Variants in STK38L observed in about 807,000 individuals in gnomAD.
STK38L encodes the protein serine/threonine-protein kinase 38-like.
In STK38L, 28 loss-of-function variants were observed where a neutral mutation model predicts 59.7. The observed-to-expected ratio is 0.47, with a 90% CI of 0.35 to 0.64. The LOEUF (loss-of-function observed/expected upper bound fraction) is 0.64, where lower values mean the gene tolerates loss of function less well. Among genes scored for constraint, STK38L ranks in the 30% least tolerant of loss-of-function variants. The pLI is 0.01. For missense variants in STK38L, 314 were observed against 555.8 expected, an observed-to-expected ratio of 0.56 and a Z score of 4.37; for synonymous variants, 162 against 176.8, an observed-to-expected ratio of 0.92 and a Z score of 0.66.
At chr12:27,302,925 A>G (rs1204708300) in intron 3 of STK38L, among the ~76,000 whole-genome samples, 1 of 151,250 alleles carries the variant, frequency 6.6e-6, no homozygotes, top group East Asian at 1.9e-4. Context: ...AGGCAGGAGA[A>G]TGGTGTGAAC....
rs911312884 is a variant in STK38L at position 27,322,892 on chromosome 12, G to C, written c.*437G>C. 1 of 153,298 alleles carries C rather than the reference G, an allele frequency of 6.5e-6. No homozygotes were observed. The highest frequency in any genetic ancestry group is 1.5e-5 in the Non-Finnish European group (1 of 68,890). 9.5% of individuals were successfully genotyped at this position (153,298 alleles called of 1,614,324 possible). A position where few individuals can be genotyped will look rare whatever the true frequency, so the allele number is the denominator to read the frequency against. On this transcript the variant is annotated 3_prime_UTR_variant, in exon 14 of 14. Transcript: ENST00000389032. ...TTTTACTGCAAATCTTATGGGTCTA[G>C]ATAATCAGTAAAAGCCATCTTCCAT...
At chr12:27,248,395 T>C (rs1012089635) in intron 1 of STK38L, among the ~76,000 whole-genome samples, 1 of 152,336 alleles carries the variant, frequency 6.6e-6, no homozygotes, top group Non-Finnish European at 1.5e-5. Context: ...ATAGGCCTAC[T>C]CAGTACTGTA....
chr12:27,322,626 G>A lies in STK38L; in HGVS notation c.*171G>A. 1.3e-6 allele frequency: 1 copy of A among 764,780 alleles called. No homozygotes were observed. The highest frequency in any genetic ancestry group is 1.9e-6 in the Non-Finnish European group (1 of 534,190). The allele number at this position is 764,780 out of a possible 1,614,324, so 47.4% of individuals were successfully genotyped here. A position where few individuals can be genotyped will look rare whatever the true frequency, so the allele number is the denominator to read the frequency against. ...CTAAGACTACTATAGGAATTGGTTG[G>A]CAGTGCCAGCTGGCTCTTTTTTTTA... On this transcript the variant is annotated 3_prime_UTR_variant, in exon 14 of 14. Coordinates refer to ENST00000389032, the MANE Select transcript of STK38L (RefSeq NM_015000.4).
intron 1 of STK38L, among the ~76,000 whole-genome samples, chr12:27,272,922 G>A (rs777010999): frequency 2.0e-5 from 3 of 152,086 alleles, no homozygotes; most frequent in Non-Finnish European, 4.4e-5. Context: ...GCAGTTAAAT[G>A]TGGACTGTAA....
chr12:27,321,997 C>T (rs768827254), intron 12 of STK38L, 146 bp from the exon 13 acceptor site: 1 of 616,808 alleles, frequency 1.6e-6, no homozygotes, highest in Non-Finnish European at 2.7e-6. Flanking sequence ...ATTTTGAACT[C>T]CCTTTAACTA....
At chr12:27,318,977 C>T (rs1944657701) in intron 11 of STK38L, among the ~76,000 whole-genome samples, 3 of 151,900 alleles carry the variant, frequency 2.0e-5, no homozygotes, top group African/African-American at 7.3e-5. Flanking sequence ...TGTGACAGAG[C>T]GAGACTCCGT....
rs901244493 is a variant in STK38L at position 27,308,649 on chromosome 12, G to T, written c.309+188G>T. 2.6e-5 allele frequency among the ~76,000 whole-genome samples: 4 copies of T among 151,590 alleles called. No individual in the cohort carries two copies. The South Asian group carries it at 8.3e-4, about 31-fold the overall frequency. ...AGACCAGCCTGGCCAGTGAAACCCC[G>T]TCTCTATAAAAATACAAAAATTAGC... On this transcript the variant is annotated intron_variant, in intron 4 of 13. Coordinates refer to ENST00000389032, the MANE Select transcript of STK38L (RefSeq NM_015000.4). The surrounding 1 kb of genome is among the most constrained non-coding windows in gnomAD (Gnocchi z 4.5).
intron 1 of STK38L, among the ~76,000 whole-genome samples, chr12:27,270,447 A>T (rs1312588326): frequency 6.6e-6 from 1 of 152,028 alleles, no homozygotes; most frequent in Non-Finnish European, 1.5e-5. Context: ...GCGTGATCTC[A>T]GCTCACTGCA....
chr12:27,306,598 A>T (rs1018607905), intron 3 of STK38L, among the ~76,000 whole-genome samples: 1 of 152,122 alleles, frequency 6.6e-6, no homozygotes, highest in Non-Finnish European at 1.5e-5. Context: ...GTTTCAGGCC[A>T]CATTTGTTTT....
At chr12:27,301,464 G>T (rs1203398802) in intron 2 of STK38L, among the ~76,000 whole-genome samples, 1 of 152,174 alleles carries the variant, frequency 6.6e-6, no homozygotes, top group Non-Finnish European at 1.5e-5. Context: ...GTTTCACAGT[G>T]TTAGCCAAGA....
At chr12:27,266,774 C>A (rs1456576955) in intron 1 of STK38L, among the ~76,000 whole-genome samples, 1 of 152,266 alleles carries the variant, frequency 6.6e-6, no homozygotes, top group African/African-American at 2.4e-5. Context: ...AAATGTTTCC[C>A]AGATTGTGTT....
At chr12:27,298,471 CT>C (rs1333129180) in intron 2 of STK38L, 1 of 152,010 alleles carries the variant, frequency 6.6e-6, no homozygotes, top group Non-Finnish European at 1.5e-5. Flanking sequence ...GAATGACTGA[CT>C]TTAATCCAAA....
At chr12:27,250,025 C>G (rs572601245) in intron 1 of STK38L, among the ~76,000 whole-genome samples, 2 of 152,240 alleles carry the variant, frequency 1.3e-5, no homozygotes, top group East Asian at 1.9e-4. Flanking sequence ...GAATAAAGAA[C>G]AAGATGGCAG....
intron 5 of STK38L, among the ~76,000 whole-genome samples, chr12:27,310,902 C>A (rs1944439145): frequency 1.3e-5 from 2 of 152,114 alleles, no homozygotes; most frequent in South Asian, 4.1e-4. Flanking sequence ...GCATTTGTTA[C>A]CACTGGATTT....
Position 27,297,801 on chromosome 12 carries a change from A to G in STK38L, c.81A>G (p.Thr27=). 2 of 1,614,086 alleles carry G rather than the reference A, an allele frequency of 1.2e-6. No individual in the cohort carries two copies. Among genetic ancestry groups the G allele is most frequent in the South Asian group, 1.1e-5 (1 of 91,086 alleles). ...AAAGAGTGACTGTAGCCAAGCTCAC[A>G]TTGGAGAATTTTTATAGCAACCTAA... ...TRERVTVAKL[T]LENFYSNLIL... The change falls in exon 2 of 14, where the codon ACA becomes ACG. Residue 27 remains threonine, a synonymous_variant. Transcript: ENST00000389032.
chr12:27,319,457 A>G (rs1274245562), intron 12 of STK38L, 34 bp downstream of exon 12: 3 of 1,485,432 alleles, frequency 2.0e-6, no homozygotes, highest in Non-Finnish European at 2.8e-6. Flanking sequence ...GAAAGGTCTG[A>G]GTAAAAACAA....
chr12:27,244,726 G>A (rs932183363), intron 1 of STK38L, among the ~76,000 whole-genome samples: 4 of 152,318 alleles, frequency 2.6e-5, no homozygotes, highest in East Asian at 3.9e-4. Context: ...GTCACCCAGA[G>A]CCAGGATCCG....
At chr12:27,273,200 G>A (rs1943461482) in intron 1 of STK38L, among the ~76,000 whole-genome samples, 1 of 151,936 alleles carries the variant, frequency 6.6e-6, no homozygotes, top group African/African-American at 2.4e-5. Context: ...ATCCCTGTAA[G>A]TGGCTATGAT....
At chr12:27,277,227 C>T (rs531702175) in intron 1 of STK38L, among the ~76,000 whole-genome samples, 23 of 148,126 alleles carry the variant, frequency 1.6e-4, no homozygotes, top group Non-Finnish European at 2.4e-4. Context: ...ATTTAAAGTA[C>T]GAGTAATTAC....
Sources: allele counts gnomAD v4.1 joint callset (sites outside exome capture counted in the v4.1 genomes callset), GRCh38; gene constraint gnomAD v4.1.1; non-coding constraint Gnocchi (gnomAD v3.1); transcripts MANE v1.5; gene names NCBI Gene and HGNC (gene_info 2026-07-23, HGNC 2026-07-21).